The following FGFR1 variants were observed in gnomAD, a reference collection of about 807,000 sequenced individuals.
FGFR1 encodes FGFR1/PLAG1 fusion.
A neutral mutation model predicts 93.7 loss-of-function variants in FGFR1; 18 were observed. That is an observed-to-expected ratio of 0.19 (90% CI 0.13 to 0.28). The LOEUF (loss-of-function observed/expected upper bound fraction) is 0.28. Ranked by LOEUF, FGFR1 falls within the 10% of genes least tolerant of loss-of-function variation. FGFR1 has a pLI of 1.00. For missense variants in FGFR1, 731 were observed against 1,080.4 expected (o/e 0.68, Z 4.53); for synonymous variants, 448 against 429.3 (o/e 1.04, Z -0.54).
chr8:38,451,509 C>T (rs143199253), intron 2 of FGFR1, among the ~76,000 whole-genome samples: 63 of 152,322 alleles, frequency 4.1e-4, no homozygotes, highest in African/African-American at 1.4e-3. Context: ...TCTGGCACCA[C>T]GCACAGCCTC....
intron 13 of FGFR1, among the ~76,000 whole-genome samples, chr8:38,415,389 GCT>G (rs1816107959): frequency 6.6e-6 from 1 of 152,040 alleles, no homozygotes; most frequent in Non-Finnish European, 1.5e-5. Flanking sequence ...AAACTCTTGG[GCT>G]CAAGCTAGCC....
chr8:38,416,032 G>A lies in FGFR1; in HGVS notation c.1692C>T (p.Ala564=). The change falls in exon 13 of 18, where the codon GCC becomes GCT. Residue 564 remains alanine, a synonymous_variant. Coordinates refer to ENST00000447712, the MANE Select transcript of FGFR1 (RefSeq NM_023110.3). The part of the protein sequence containing the change: ...DGPLYVIVEY[A]SKGNLREYLQ... Reference sequence around the variant, plus strand: ...GGTACTCCCGCAGGTTGCCCTTGGAGGCATACTCCACGATGACATACAAGG... The same window carrying A: ...GGTACTCCCGCAGGTTGCCCTTGGAAGCATACTCCACGATGACATACAAGG... 2 of 1,613,494 alleles carry A rather than the reference G, an allele frequency of 1.2e-6. No individual in the cohort carries two copies. The highest frequency in any genetic ancestry group is 8.5e-7 in the Non-Finnish European group (1 of 1,179,928).
At chr8:38,417,742 C>A (rs1817215568) in intron 11 of FGFR1, 128 bp downstream of exon 11, 1 of 1,348,952 alleles carries the variant, frequency 7.4e-7, no homozygotes, top group Non-Finnish European at 1.1e-6. Flanking sequence ...TCCCAGGTAA[C>A]CCCAAGCAGG....
chr8:38,461,066 C>T (rs2151424850), intron 1 of FGFR1: 2 of 1,535,940 alleles, frequency 1.3e-6, no homozygotes, highest in Non-Finnish European at 1.7e-6. Context: ...TCTCAGTTTC[C>T]CACTCATCAG....
At chr8:38,422,333 TGCACAC>T in intron 7 of FGFR1, 1 of 443,706 alleles carries the variant, frequency 2.3e-6, no homozygotes, top group East Asian at 4.0e-5. Flanking sequence ...GACACACACA[TGCACAC>T]GCATACACAC....
Position 38,428,405 on chromosome 8 carries a change from T to A in FGFR1, c.389A>T (p.Asp130Val), listed in dbSNP as rs1161536828. The change falls in exon 4 of 18, where the codon GAT becomes GTT. Residue 130 changes from aspartate to valine, a missense_variant. Physicochemically the swap from Asp to Val is radical, Grantham distance 152 (BLOSUM62 -3). Around this residue, in one of 10 missense-constraint regions of FGFR1, gnomAD observed 212 missense variants for 205.8 expected, o/e 1.03. Coordinates refer to ENST00000447712, the MANE Select transcript of FGFR1 (RefSeq NM_023110.3). ...DALPSSEDDDDDDDSSSEEKE... is the reference protein window; with the variant it reads ...DALPSSEDDDVDDDSSSEEKE... ...CTCCTCTGAAGAGGAGTCATCATCA[T>A]CATCATCATCCTCCGAGGAGGGGAG... 2.5e-6 allele frequency: 4 copies of A among 1,613,932 alleles called. No homozygotes were observed. The Admixed American group carries it at 5.0e-5, about 20-fold the overall frequency.
At position 38,426,343 on chromosome 8, in the gene FGFR1, A is replaced by C. The variant is rs1406843362; in HGVS notation, c.622-98T>G. 1 of 1,555,808 alleles carries C rather than the reference A, an allele frequency of 6.4e-7. No individual in the cohort carries two copies. Among genetic ancestry groups the C allele is most frequent in the African/African-American group, 1.4e-5 (1 of 73,914 alleles). On this transcript the variant is annotated intron_variant, in intron 5 of 17. Transcript: ENST00000447712. This position sits in a 1 kb window ranked among gnomAD's most constrained non-coding sequence, Gnocchi z 4.1. ...CCGTGGCACCTGCCCTCCATATCAG[A>C]GCCTGGTGGCACAGGGCCCCAGGCT...
chr8:38,433,041 TCCAA>T (rs1823859205), intron 2 of FGFR1, among the ~76,000 whole-genome samples: 1 of 151,552 alleles, frequency 6.6e-6, no homozygotes, highest in South Asian at 2.1e-4. Context: ...AAGTCCACCA[TCCAA>T]AACGTCCAGG....
At chr8:38,416,105 C>G (rs1251111152) in intron 12 of FGFR1, 45 bp from the exon 13 acceptor site, 1 of 1,560,910 alleles carries the variant, frequency 6.4e-7, no homozygotes, top group Admixed American at 1.8e-5. Context: ...AGCAGGTGAG[C>G]AGGTTTGGCT....
intron 7 of FGFR1, chr8:38,422,217 T>C (rs1586245475): frequency 4.0e-6 from 2 of 500,948 alleles, no homozygotes; most frequent in East Asian, 7.0e-5. Flanking sequence ...CATCCGAGCA[T>C]GCGGGCGGTG....
Position 38,440,858 on chromosome 8 carries a change from C to A in FGFR1, c.92-10910G>T, listed in dbSNP as rs562362524. Among the ~76,000 whole-genome samples the A allele has an allele frequency of 1.8e-4, 28 of 152,298 alleles. No homozygotes were observed. The South Asian group carries it at 5.8e-3, about 32-fold the overall frequency. On this transcript the variant is annotated intron_variant, in intron 2 of 17. Transcript: ENST00000447712. ...TAAAGGTATTTCCTGAGGAGAAAGG[C>A]CGAGCACACAGGCCCAGGCAGCCCG...
chr8:38,422,500 C>T (rs528804447), intron 7 of FGFR1, among the ~76,000 whole-genome samples: 2 of 152,172 alleles, frequency 1.3e-5, no homozygotes, highest in Non-Finnish European at 2.9e-5. Flanking sequence ...TCGACCTAAG[C>T]TCAGGCAATC....
intron 9 of FGFR1, 34 bp from the exon 10 acceptor site, chr8:38,418,407 G>A (rs994789784): frequency 1.7e-5 from 27 of 1,605,454 alleles, no homozygotes; most frequent in Non-Finnish European, 2.2e-5. Flanking sequence ...CTAGAGCAAG[G>A]AGGGGGGACG....
intron 2 of FGFR1, among the ~76,000 whole-genome samples, 161 bp downstream of exon 2, chr8:38,457,195 C>T (rs953230037): frequency 2.0e-5 from 3 of 152,228 alleles, no homozygotes; most frequent in Admixed American, 2.0e-4. Context: ...AGAACCAACC[C>T]AGGTATCTTG....
In FGFR1 at chr8:38,418,378, A is replaced by G. The variant is rs368939581; in HGVS notation, c.1285-5T>C. ...TGCACTGGAGTCAGCAGACACCTGC[A>G]AGGAAGAGTGGGGTCACCCTAGAGC... On this transcript the variant is annotated splice_region_variant and splice_polypyrimidine_tract_variant and intron_variant, in intron 9 of 17. Transcript: ENST00000447712. 7.4e-6 allele frequency: 12 copies of G among 1,613,438 alleles called. No individual in the cohort carries two copies. The African/African-American group carries it at 1.5e-4, about 20-fold the overall frequency.
intron 2 of FGFR1, among the ~76,000 whole-genome samples, chr8:38,449,097 G>A (rs187109687): frequency 6.5e-4 from 99 of 151,628 alleles, no homozygotes; most frequent in African/African-American, 2.3e-3. Flanking sequence ...GCGAGACTAG[G>A]TCTCAGGAGA....
intron 1 of FGFR1, among the ~76,000 whole-genome samples, chr8:38,464,443 T>C (rs1180677157): frequency 6.6e-6 from 1 of 152,018 alleles, no homozygotes; most frequent in Non-Finnish European, 1.5e-5. Context: ...AGTTCATCCA[T>C]GTGAGGGCTA....
At chr8:38,431,609 G>A (rs1823178547) in intron 2 of FGFR1, among the ~76,000 whole-genome samples, 1 of 152,092 alleles carries the variant, frequency 6.6e-6, no homozygotes, top group African/African-American at 2.4e-5. Flanking sequence ...GGTGTCCCGC[G>A]CATCATGATC....
chr8:38,425,870 G>T lies in FGFR1; in HGVS notation c.745+252C>A. ...CTCCAACAACGCCTCCTTCAGGACA[G>T]ACTCTGAACAGCACCTTCAATTTCA... On this transcript the variant is annotated intron_variant, in intron 6 of 17. Coordinates refer to ENST00000447712, the MANE Select transcript of FGFR1 (RefSeq NM_023110.3). 3.8e-5 allele frequency: 21 copies of T among 550,722 alleles called. No individual in the cohort carries two copies. The South Asian group carries it at 4.0e-4, about 11-fold the overall frequency. The allele number at this position is 550,722 out of a possible 1,614,324, so 34.1% of individuals were successfully genotyped here. A position where few individuals can be genotyped will look rare whatever the true frequency, so the allele number is the denominator to read the frequency against.
Sources: gnomAD v4.1 joint callset for allele counts (sites outside exome capture counted in the v4.1 genomes callset) on GRCh38, gnomAD v4.1.1 for gene constraint, gnomAD v4.1.1 regional missense constraint, Gnocchi (gnomAD v3.1) non-coding constraint, MANE v1.5 for transcripts, NCBI Gene and HGNC (gene_info 2026-07-23, HGNC 2026-07-21) for gene names.